SNRNP70: variants seen among roughly 807,000 people sequenced by gnomAD.
SNRNP70 encodes U1 small nuclear ribonucleoprotein 70 kDa.
A neutral mutation model predicts 50.5 loss-of-function variants in SNRNP70; 8 were observed. The ratio of observed to expected loss-of-function variants is 0.16; its 90% CI spans 0.09 to 0.29. The LOEUF (loss-of-function observed/expected upper bound fraction) is 0.29, where lower values mean the gene tolerates loss of function less well. Among genes scored for constraint, SNRNP70 ranks in the 10% least tolerant of loss-of-function variants. The pLI is 1.00. For synonymous variants in SNRNP70, 320 were observed against 252.9 expected, an observed-to-expected ratio of 1.27 and a Z score of -2.52; for missense variants, 529 against 663.5, an observed-to-expected ratio of 0.80 and a Z score of 2.23.
Position 49,107,216 on chromosome 19 carries a change from G to A in SNRNP70, c.578-409G>A, listed in dbSNP as rs375100728. Reference sequence around the variant, plus strand: ...CTTGCTGCCTCTACCACCAGTTGACGAGGAGTTTGGACCTTAGGCTGGGGG... The same window carrying A: ...CTTGCTGCCTCTACCACCAGTTGACAAGGAGTTTGGACCTTAGGCTGGGGG... On this transcript the variant is annotated intron_variant, in intron 8 of 9. Coordinates refer to ENST00000598441, the MANE Select transcript of SNRNP70 (RefSeq NM_003089.6). The surrounding 1 kb of genome is among the most constrained non-coding windows in gnomAD (Gnocchi z 6.0). 1.3e-5 allele frequency among the ~76,000 whole-genome samples: 2 copies of A among 152,214 alleles called. No individual in the cohort carries two copies. Among genetic ancestry groups the A allele is most frequent in the Non-Finnish European group, 2.9e-5 (2 of 68,036 alleles).
At chr19:49,098,290 G>T in intron 4 of SNRNP70, 137 bp from the exon 5 acceptor site, 4 of 719,930 alleles carry the variant, frequency 5.6e-6, no homozygotes, top group Non-Finnish European at 9.7e-6. Context: ...AGGTTGCCAG[G>T]TCACCACCCA....
At chr19:49,103,538 C>G (rs1329966154) in intron 7 of SNRNP70, 2 of 150,930 alleles carry the variant, frequency 1.3e-5, no homozygotes, top group Non-Finnish European at 3.0e-5. Context: ...CCAGGAGTTG[C>G]CGAGCCCCCC....
At chr19:49,089,612 T>G (rs1437775489) in intron 2 of SNRNP70, among the ~76,000 whole-genome samples, 1 of 151,830 alleles carries the variant, frequency 6.6e-6, no homozygotes, top group Non-Finnish European at 1.5e-5. Context: ...AGCAACAGTT[T>G]AGATAGTACT....
intron 8 of SNRNP70, among the ~76,000 whole-genome samples, chr19:49,105,739 A>C (rs1168998728): frequency 2.1e-5 from 3 of 145,498 alleles, no homozygotes; most frequent in African/African-American, 4.9e-5. Context: ...CAAAAAAAAA[A>C]ACAAAAAACA....
At chr19:49,091,731 CAG>C (rs1177512053) in intron 4 of SNRNP70, among the ~76,000 whole-genome samples, 1 of 152,160 alleles carries the variant, frequency 6.6e-6, no homozygotes, top group African/African-American at 2.4e-5. Flanking sequence ...AGAAGCGTGA[CAG>C]AGACATCTGG....
rs775812803 is a variant in SNRNP70 at position 49,086,607 on chromosome 19, A to G, written c.147+46A>G. Reference sequence around the variant, plus strand: ...AGGAATGGTTTGGGTTCTGGGGAGCAACGGGTTGGATTTGCGAGTCCAGCT... The same window carrying G: ...AGGAATGGTTTGGGTTCTGGGGAGCGACGGGTTGGATTTGCGAGTCCAGCT... On this transcript the variant is annotated intron_variant, in intron 2 of 9. Coordinates refer to ENST00000598441, the MANE Select transcript of SNRNP70 (RefSeq NM_003089.6). 3.8e-6 allele frequency: 6 copies of G among 1,588,898 alleles called. No homozygotes were observed. The African/African-American group carries it at 8.1e-5, about 21-fold the overall frequency.
intron 7 of SNRNP70, chr19:49,102,668 G>C (rs2040604830): frequency 6.3e-6 from 1 of 159,538 alleles, no homozygotes; most frequent in Non-Finnish European, 1.4e-5. Context: ...TCCCGAGGGG[G>C]CTGGCTGTGG....
At chr19:49,085,711 T>C (rs2040368737) in intron 1 of SNRNP70, 75 bp downstream of exon 1, 1 of 449,074 alleles carries the variant, frequency 2.2e-6, no homozygotes, top group Non-Finnish European at 4.5e-6. Context: ...GGCCCGGTCC[T>C]CTTCCCCGCG....
intron 4 of SNRNP70, among the ~76,000 whole-genome samples, chr19:49,094,451 G>T (rs1187822903): frequency 6.6e-6 from 1 of 151,898 alleles, no homozygotes; most frequent in Non-Finnish European, 1.5e-5. Flanking sequence ...GTGAGCTGAG[G>T]TCATGCCACT....
rs113736859 is a variant in SNRNP70, at chr19:49,086,265, G to A, written c.-10-140G>A. The A allele has an allele frequency of 3.4e-5, 32 of 947,528 alleles. No individual in the cohort carries two copies. In the African/African-American group the frequency reaches 4.5e-4, roughly 13 times the overall value. 58.7% of individuals were successfully genotyped at this position (947,528 alleles called of 1,614,324 possible). On this transcript the variant is annotated intron_variant, in intron 1 of 9. Transcript: ENST00000598441. ...ACGTACCCTTTTCTCCGCAACACAGGACTGTTCTCTGCCCTTACAGAGCCT... is the reference window on the plus strand; with the variant it reads ...ACGTACCCTTTTCTCCGCAACACAGAACTGTTCTCTGCCCTTACAGAGCCT...
intron 4 of SNRNP70, among the ~76,000 whole-genome samples, chr19:49,093,997 C>T (rs967509480): frequency 1.3e-5 from 2 of 151,820 alleles, no homozygotes; most frequent in African/African-American, 2.4e-5. Flanking sequence ...CACTCCAGCC[C>T]GGGCAATAAG....
In SNRNP70 at chr19:49,104,404, C is replaced by T. The variant is rs1242898577; in HGVS notation, c.476-230C>T. 2.1e-5 allele frequency: 11 copies of T among 512,526 alleles called. No homozygotes were observed. The highest frequency in any genetic ancestry group is 9.8e-5 in the African/African-American group (5 of 50,780). 31.7% of individuals were successfully genotyped at this position (512,526 alleles called of 1,614,324 possible). On this transcript the variant is annotated intron_variant, in intron 7 of 9. Transcript: ENST00000598441. This position sits in a 1 kb window ranked among gnomAD's most constrained non-coding sequence, Gnocchi z 5.4. Reference sequence around the variant, plus strand: ...GGCGGGTGAGGGTGGACGTCTCCCCCGACCAGGAGTGGTTGGGGCGCTGAG... The same window carrying T: ...GGCGGGTGAGGGTGGACGTCTCCCCTGACCAGGAGTGGTTGGGGCGCTGAG...
chr19:49,088,199 CTTTTTT>C (rs34075997), intron 2 of SNRNP70, among the ~76,000 whole-genome samples: 4 of 94,890 alleles, frequency 4.2e-5, no homozygotes, highest in East Asian at 3.0e-4. Flanking sequence ...GAGCCAGGTA[CTTTTTT>C]TTTTTTTTTT....
intron 4 of SNRNP70, among the ~76,000 whole-genome samples, chr19:49,093,362 AG>A (rs202208078): frequency 1 from 152,113 of 152,114 alleles, 76,056 homozygotes; most frequent in Middle Eastern, 1. Flanking sequence ...CTGGGATTAC[AG>A]GGCGTAGCCA....
At position 49,101,489 on chromosome 19, in the gene SNRNP70, A is replaced by C. The variant is rs777602195; in HGVS notation, c.475+18A>C. On this transcript the variant is annotated intron_variant, in intron 7 of 9. Coordinates refer to ENST00000598441, the MANE Select transcript of SNRNP70 (RefSeq NM_003089.6). ...CATGCACTGTGAGTACCTCCCGCCG[A>C]GCCCTGCCCTCTGACCTGCTCTCAC... The C allele has an allele frequency of 1.3e-6, 2 of 1,592,422 alleles. No homozygotes were observed. The highest frequency in any genetic ancestry group is 8.6e-7 in the Non-Finnish European group (1 of 1,160,354).
rs1285485244 is a variant in SNRNP70 at position 49,108,022 on chromosome 19, G to T, written c.893G>T (p.Arg298Leu). 3.9e-6 allele frequency: 6 copies of T among 1,547,846 alleles called. No homozygotes were observed. The highest frequency in any genetic ancestry group is 5.2e-6 in the Non-Finnish European group (6 of 1,146,386). The part of the protein sequence containing the change: ...RKRRSSRSRE[R>L]ARRERERKEE... The stretch of plus-strand genomic sequence containing the variant: ...CGGCGAAGCAGCCGGAGTCGGGAGC[G>T]GGCCCGGCGGGAGCGGGAGCGCAAG... Residue 298 changes from arginine to leucine, a missense_variant, in exon 10 of 10, where the codon CGG (arginine) becomes CTG (leucine). This residue lies in a region of SNRNP70 where 327 missense variants were observed against 308.8 expected (regional missense o/e 1.06). Coordinates refer to ENST00000598441, the MANE Select transcript of SNRNP70 (RefSeq NM_003089.6).
intron 7 of SNRNP70, chr19:49,103,147 G>GC (rs1025089424): frequency 6.6e-6 from 1 of 152,670 alleles, no homozygotes; most frequent in Non-Finnish European, 1.5e-5. Flanking sequence ...TGGGCTGTGT[G>GC]CCTAGTTCAG....
chr19:49,099,953 T>TAC (rs3838925), intron 6 of SNRNP70, among the ~76,000 whole-genome samples: 18,948 of 151,264 alleles, frequency 0.13, 1,325 homozygotes, highest in African/African-American at 0.19. Context: ...TATATATGTG[T>TAC]ACACACACAC....
At chr19:49,099,084 A>G (rs2040548483) in intron 6 of SNRNP70, among the ~76,000 whole-genome samples, 1 of 152,162 alleles carries the variant, frequency 6.6e-6, no homozygotes, top group African/African-American at 2.4e-5. Context: ...CAGAATACCT[A>G]TGCTGAGTCC....
Sources: gnomAD v4.1 joint callset for allele counts (sites outside exome capture counted in the v4.1 genomes callset) on GRCh38, gnomAD v4.1.1 for gene constraint, gnomAD v4.1.1 regional missense constraint, Gnocchi (gnomAD v3.1) non-coding constraint, MANE v1.5 for transcripts, NCBI Gene and HGNC (gene_info 2026-07-23, HGNC 2026-07-21) for gene names.